Variants in TFCP2L1 observed in about 807,000 individuals in gnomAD.
TFCP2L1 encodes transcription factor CP2-like protein 1.
In TFCP2L1, 12 loss-of-function variants were observed where a neutral mutation model predicts 72.2. That is an observed-to-expected ratio of 0.17 (90% confidence interval 0.11 to 0.27). The LOEUF is 0.27. Ranked by LOEUF, TFCP2L1 falls within the 10% of genes least tolerant of loss-of-function variation. The probability of loss-of-function intolerance (pLI) is 1.00; values close to 1 mark genes in which losing one functional copy is unlikely to be tolerated. For synonymous variants in TFCP2L1, 260 were observed against 251.0 expected (o/e 1.04, Z -0.34); for missense variants, 488 against 624.6 (o/e 0.78, Z 2.33).
At chr2:121,274,136 C>T (rs1195887914) in intron 2 of TFCP2L1, among the ~76,000 whole-genome samples, 1 of 151,452 alleles carries the variant, frequency 6.6e-6, no homozygotes, top group Middle Eastern at 3.2e-3. Context: ...TGTATCAATG[C>T]CTTTGGTCAT....
chr2:121,252,030 G>A (rs968763597), intron 2 of TFCP2L1, among the ~76,000 whole-genome samples: 1 of 152,012 alleles, frequency 6.6e-6, no homozygotes, highest in African/African-American at 2.4e-5. Context: ...GTATTCTATT[G>A]TATTCTATTC....
chr2:121,279,309 G>T (rs1687209265), intron 2 of TFCP2L1, among the ~76,000 whole-genome samples: 1 of 152,242 alleles, frequency 6.6e-6, no homozygotes, highest in Non-Finnish European at 1.5e-5. Context: ...GACCTTCCAT[G>T]AAAGTGAAAG....
At chr2:121,255,348 A>G (rs1249082940) in intron 2 of TFCP2L1, among the ~76,000 whole-genome samples, 3 of 152,064 alleles carry the variant, frequency 2.0e-5, no homozygotes, top group Non-Finnish European at 4.4e-5. Context: ...GCCTGTTCTA[A>G]TTTAGGAATT....
chr2:121,244,048 G>T (rs1289274089), intron 6 of TFCP2L1, among the ~76,000 whole-genome samples: 1 of 152,048 alleles, frequency 6.6e-6, no homozygotes, highest in Non-Finnish European at 1.5e-5. Flanking sequence ...CAGCGTCCCG[G>T]GTAAGAGTGT....
At chr2:121,283,465 T>A (rs1573404999) in intron 1 of TFCP2L1, among the ~76,000 whole-genome samples, 1 of 152,296 alleles carries the variant, frequency 6.6e-6, no homozygotes, top group Non-Finnish European at 1.5e-5. Context: ...GACTTCTTTA[T>A]CCATGGTCCC....
intron 2 of TFCP2L1, among the ~76,000 whole-genome samples, chr2:121,280,449 C>T (rs1257845661): frequency 6.6e-6 from 1 of 152,138 alleles, no homozygotes; most frequent in Non-Finnish European, 1.5e-5. Context: ...AGGACACAAT[C>T]ATGGTCACAA....
In TFCP2L1 at chr2:121,249,565, G is replaced by A; in HGVS notation, c.291+6C>T. 1 of 1,613,928 alleles carries A rather than the reference G, an allele frequency of 6.2e-7. No homozygotes were observed. The highest frequency in any genetic ancestry group is 8.5e-7 in the Non-Finnish European group (1 of 1,179,934). On this transcript the variant is annotated splice_donor_region_variant and intron_variant, in intron 3 of 14. Coordinates refer to ENST00000263707, the MANE Select transcript of TFCP2L1 (RefSeq NM_014553.3). ...CGAGGCAATGAGAACAGCCTGTGAG[G>A]CTTACCTTGACATATTTTGTGTTCA...
At chr2:121,276,117 G>C (rs1368883297) in intron 2 of TFCP2L1, among the ~76,000 whole-genome samples, 1 of 152,138 alleles carries the variant, frequency 6.6e-6, no homozygotes, top group African/African-American at 2.4e-5. Flanking sequence ...TGCAGAACGT[G>C]CAGGTTTGTG....
intron 2 of TFCP2L1, among the ~76,000 whole-genome samples, chr2:121,269,679 G>A (rs1687004320): frequency 2.0e-5 from 3 of 151,976 alleles, no homozygotes; most frequent in Admixed American, 2.0e-4. Flanking sequence ...CTGGGAGGCT[G>A]CAGCGGATCA....
chr2:121,234,507 A>C (rs2713195), intron 11 of TFCP2L1, among the ~76,000 whole-genome samples: 97,244 of 152,012 alleles, frequency 0.64, 31,802 homozygotes, highest in East Asian at 0.74. Flanking sequence ...CATCCTCACA[A>C]AACTTGCAAG....
chr2:121,249,134 G>T, intron 3 of TFCP2L1, 47 bp from the exon 4 acceptor site: 1 of 1,396,680 alleles, frequency 7.2e-7, no homozygotes. Flanking sequence ...GGGGGGCCAA[G>T]AGGAACCCAC....
At chr2:121,250,940 T>A (rs187489558) in intron 2 of TFCP2L1, among the ~76,000 whole-genome samples, 1 of 151,848 alleles carries the variant, frequency 6.6e-6, no homozygotes, top group African/African-American at 2.4e-5. Flanking sequence ...TTAATTTTTT[T>A]ATTTTTAATA....
chr2:121,276,833 C>T (rs1048681846), intron 2 of TFCP2L1, among the ~76,000 whole-genome samples: 9 of 151,490 alleles, frequency 5.9e-5, no homozygotes, highest in African/African-American at 2.2e-4. Flanking sequence ...AACTACTCAG[C>T]TAATTGATTT....
chr2:121,273,013 A>G (rs566310177), intron 2 of TFCP2L1, among the ~76,000 whole-genome samples: 118 of 152,276 alleles, frequency 7.7e-4, no homozygotes, highest in Non-Finnish European at 1.1e-3. Flanking sequence ...CCTGGGATAG[A>G]CAGTGTGTTC....
In TFCP2L1 at chr2:121,249,596, T is replaced by C; in HGVS notation, c.266A>G (p.Gln89Arg). The C allele has an allele frequency of 6.2e-7, 1 of 1,614,230 alleles. No homozygotes were observed. The highest frequency in any genetic ancestry group is 8.5e-7 in the Non-Finnish European group (1 of 1,180,046). Residue 89 changes from glutamine (Q) to arginine (R), a missense_variant, in exon 3 of 15, where the codon CAA becomes CGA. Physicochemically the swap from Gln to Arg is conservative, Grantham distance 43. This residue lies in a region of TFCP2L1 where 129 missense variants were observed against 236.0 expected (regional missense o/e 0.55). Transcript: ENST00000263707. ...CTTGACATATTTTGTGTTCAGATCT[T>C]GAAAGTCTCCCAGCTTCCGATTCTC... is the stretch of plus-strand genomic sequence containing the variant. ...LLENRKLGDF[Q>R]DLNTKYVKSI...
intron 2 of TFCP2L1, among the ~76,000 whole-genome samples, chr2:121,269,918 A>AAAAAAAAAAAAAAAAAAAAAAATATATAT: frequency 8.7e-6 from 1 of 115,178 alleles, no homozygotes; most frequent in African/African-American, 3.7e-5. Context: ...AAAAAAAAAA[A>AAAAAAAAAAAAAAAAAAAAAAATATATAT]ATATATATAT....
At chr2:121,234,540 T>C (rs1686205585) in intron 11 of TFCP2L1, among the ~76,000 whole-genome samples, 1 of 152,220 alleles carries the variant, frequency 6.6e-6, no homozygotes, top group African/African-American at 2.4e-5. Flanking sequence ...ATCGCTCTCA[T>C]TCCACAGTTG....
chr2:121,264,336 A>G (rs980731325), intron 2 of TFCP2L1, among the ~76,000 whole-genome samples: 1 of 152,144 alleles, frequency 6.6e-6, no homozygotes, highest in Middle Eastern at 3.2e-3. Flanking sequence ...TCTCATACCC[A>G]GGGTATCTAA....
At chr2:121,233,094 GA>G (rs1224789753) in intron 12 of TFCP2L1, among the ~76,000 whole-genome samples, 1 of 152,206 alleles carries the variant, frequency 6.6e-6, no homozygotes, top group African/African-American at 2.4e-5. Context: ...AAGGCAGGCG[GA>G]TTTCTGGAGT....
Sources: allele counts gnomAD v4.1 joint callset (sites outside exome capture counted in the v4.1 genomes callset), GRCh38; gene constraint gnomAD v4.1.1; regional missense constraint gnomAD v4.1.1; transcripts MANE v1.5; gene names NCBI Gene and HGNC (gene_info 2026-07-23, HGNC 2026-07-21).